STPG2: variants seen among roughly 807,000 people sequenced by gnomAD.
The protein encoded by STPG2 is sperm-tail PG-rich repeat-containing protein 2.
In STPG2, 56 loss-of-function variants were observed where a neutral mutation model predicts 54.2. That is an observed-to-expected ratio of 1.03 (90% confidence interval 0.83 to 1.29). The LOEUF is 1.29. Among genes scored for constraint, STPG2 ranks in the 50% most tolerant of loss-of-function variants. STPG2 has a pLI of 0.00. For synonymous variants in STPG2, 200 were observed against 181.8 expected (o/e 1.10, Z -0.81); for missense variants, 596 against 544.9 (o/e 1.09, Z -0.93).
At chr4:98,132,856 C>T (rs1290271710) in intron 2 of STPG2, among the ~76,000 whole-genome samples, 1 of 148,228 alleles carries the variant, frequency 6.7e-6, no homozygotes, top group Non-Finnish European at 1.5e-5. Context: ...TGCAAGAAAA[C>T]TGTTTTTAAA....
At chr4:97,490,618 T>C (rs1730483732) in intron 4 of STPG2, among the ~76,000 whole-genome samples, 1 of 151,576 alleles carries the variant, frequency 6.6e-6, no homozygotes, top group Non-Finnish European at 1.5e-5. Context: ...ACTGTTATAA[T>C]TGAAGTAACA....
intron 9 of STPG2, among the ~76,000 whole-genome samples, chr4:97,783,445 C>A (rs1391107332): frequency 6.6e-6 from 1 of 152,014 alleles, no homozygotes; most frequent in Non-Finnish European, 1.5e-5. Context: ...GAGAGGATTT[C>A]GAGAAATAGG....
At chr4:97,709,533 G>A (rs866013403) in intron 10 of STPG2, among the ~76,000 whole-genome samples, 15 of 151,396 alleles carry the variant, frequency 9.9e-5, no homozygotes, top group African/African-American at 3.1e-4. Flanking sequence ...AATTTCAGCA[G>A]AATTTTTGCT....
intron 10 of STPG2, among the ~76,000 whole-genome samples, chr4:97,676,542 AAAGGAAGG>A (rs70953080): frequency 3.0e-4 from 40 of 131,256 alleles, no homozygotes; most frequent in South Asian, 8.2e-4. Context: ...GAGTTGGAAG[AAAGGAAGG>A]AAGGAAGGAA....
intron 5 of STPG2, among the ~76,000 whole-genome samples, chr4:98,038,154 C>A (rs947579273): frequency 2.0e-5 from 3 of 152,044 alleles, no homozygotes; most frequent in African/African-American, 7.2e-5. Context: ...GGACTACAGG[C>A]ACATGTTACT....
chr4:97,948,590 C>A (rs530643158), intron 7 of STPG2, among the ~76,000 whole-genome samples: 1 of 152,022 alleles, frequency 6.6e-6, no homozygotes, highest in African/African-American at 2.4e-5. Context: ...TTTGCTGTAT[C>A]CCAGAAGTTT....
In STPG2 at chr4:97,951,775, T is replaced by G. The variant is rs949258715; in HGVS notation, c.934-7768A>C. Among the ~76,000 whole-genome samples, 73 of 152,180 alleles carry G rather than the reference T, an allele frequency of 4.8e-4. 1 individual carries two copies. On this transcript the variant is annotated intron_variant, in intron 7 of 10. Coordinates refer to ENST00000295268, the MANE Select transcript of STPG2 (RefSeq NM_174952.3). ...TTTAATTAATTTATTTATTCACCAGTATTTTATTTACTGGGTTGAACAACT... is the reference window on the plus strand; with the variant it reads ...TTTAATTAATTTATTTATTCACCAGGATTTTATTTACTGGGTTGAACAACT...
chr4:97,668,515 A>T (rs1308604648), intron 10 of STPG2, among the ~76,000 whole-genome samples: 1 of 152,130 alleles, frequency 6.6e-6, no homozygotes, highest in African/African-American at 2.4e-5. Context: ...CAGGTAAAAG[A>T]TTAAAAATGA....
At chr4:97,577,864 C>T (rs1399226605) in intron 10 of STPG2, among the ~76,000 whole-genome samples, 2 of 152,036 alleles carry the variant, frequency 1.3e-5, no homozygotes, top group Non-Finnish European at 2.9e-5. Flanking sequence ...TCAACAATAA[C>T]TGTCAGTAAT....
At chr4:97,522,810 G>T (rs1408710532) in intron 4 of STPG2, among the ~76,000 whole-genome samples, 1 of 151,976 alleles carries the variant, frequency 6.6e-6, no homozygotes, top group Non-Finnish European at 1.5e-5. Flanking sequence ...ATGTCCTGGA[G>T]GGGTTTTAAA....
chr4:97,546,702 T>C (rs1731841167), intron 4 of STPG2, among the ~76,000 whole-genome samples: 1 of 152,166 alleles, frequency 6.6e-6, no homozygotes, highest in Admixed American at 6.5e-5. Context: ...CCAAATCTTA[T>C]AAAGGAAATA....
At chr4:97,861,428 G>A (rs2149141239) in intron 8 of STPG2, among the ~76,000 whole-genome samples, 1 of 152,230 alleles carries the variant, frequency 6.6e-6, no homozygotes, top group East Asian at 1.9e-4. Flanking sequence ...TTGGAGAACA[G>A]CTTGGAGGTT....
At chr4:98,119,235 C>T (rs986306523) in intron 3 of STPG2, among the ~76,000 whole-genome samples, 1 of 152,068 alleles carries the variant, frequency 6.6e-6, no homozygotes, top group African/African-American at 2.4e-5. Flanking sequence ...AGATAAATAC[C>T]TTGTTACTCT....
At chr4:98,007,754 A>C (rs1735618634) in intron 5 of STPG2, among the ~76,000 whole-genome samples, 1 of 147,346 alleles carries the variant, frequency 6.8e-6, no homozygotes, top group Non-Finnish European at 1.5e-5. Context: ...TACCAAACAG[A>C]TAGATATCCT....
chr4:97,778,404 C>T (rs535852757), intron 9 of STPG2, among the ~76,000 whole-genome samples: 79 of 152,272 alleles, frequency 5.2e-4, no homozygotes, highest in South Asian at 8.3e-4. Flanking sequence ...TCCAACATTG[C>T]TGAGGCTTGA....
intron 5 of STPG2, among the ~76,000 whole-genome samples, chr4:97,982,185 T>G (rs1014546123): frequency 6.6e-6 from 1 of 152,094 alleles, no homozygotes; most frequent in African/African-American, 2.4e-5. Context: ...TTGTATAATC[T>G]TTTTAACTTT....
intron 10 of STPG2, among the ~76,000 whole-genome samples, chr4:97,659,887 A>G (rs1472157591): frequency 6.6e-6 from 1 of 152,222 alleles, no homozygotes; most frequent in Non-Finnish European, 1.5e-5. Context: ...CTTGGGACAG[A>G]GTACATCCAT....
At chr4:98,041,418 A>G (rs1240809585) in intron 5 of STPG2, among the ~76,000 whole-genome samples, 2 of 151,706 alleles carry the variant, frequency 1.3e-5, no homozygotes, top group Non-Finnish European at 2.9e-5. Flanking sequence ...CTTGTGGGAG[A>G]AGAGGATATT....
intron 1 of STPG2, among the ~76,000 whole-genome samples, chr4:98,138,423 A>G (rs1740194956): frequency 6.6e-6 from 1 of 152,110 alleles, no homozygotes; most frequent in Non-Finnish European, 1.5e-5. Flanking sequence ...AGTTTGAGGC[A>G]CCAACAGAGG....
Sources: allele counts gnomAD v4.1 joint callset (sites outside exome capture counted in the v4.1 genomes callset), GRCh38; gene constraint gnomAD v4.1.1; transcripts MANE v1.5; gene names NCBI Gene and HGNC (gene_info 2026-07-23, HGNC 2026-07-21).